The following ACSM5 variants were observed in gnomAD, a reference collection of about 807,000 sequenced individuals.
ACSM5 encodes acyl-CoA synthetase medium chain family member 5.
ACSM5 carries 56 observed loss-of-function variants against 71.6 expected under a neutral mutation model. That is an observed-to-expected ratio of 0.78 (90% CI 0.63 to 0.98). ACSM5 has a LOEUF of 0.98. ACSM5 is among the 50% of genes least tolerant of loss of function. The probability of loss-of-function intolerance (pLI) is 0.00; values close to 1 mark genes in which losing one functional copy is unlikely to be tolerated. For synonymous variants in ACSM5, 285 were observed against 281.5 expected (o/e 1.01, Z -0.12); for missense variants, 723 against 726.0 (o/e 1.00, Z 0.05).
intron 10 of ACSM5, among the ~76,000 whole-genome samples, chr16:20,435,930 C>T (rs201559135): frequency 1.1e-4 from 15 of 136,164 alleles, no homozygotes; most frequent in Middle Eastern, 3.5e-3. Flanking sequence ...TTCTTTCTTT[C>T]TTTTCTTTCC....
rs1967095486 is a variant in ACSM5 at position 20,431,299 on chromosome 16, T to C, written c.1286T>C (p.Phe429Ser). The C allele has an allele frequency of 6.2e-7, 1 of 1,614,132 alleles. No individual in the cohort carries two copies. Among genetic ancestry groups the C allele is most frequent in the African/African-American group, 1.3e-5 (1 of 75,038 alleles). ...VAVRIRPTRP[F>S]CFFNCYLDNP... ...GTCCGTATCAGACCCACTCGGCCCT[T>C]CTGTTTCTTCAATTGCTATTTGGTA... The change falls in exon 10 of 14, where the codon TTC (phenylalanine) becomes TCC (serine). Residue 429 changes from phenylalanine (F) to serine (S), a missense_variant. Coordinates refer to ENST00000331849, the MANE Select transcript of ACSM5 (RefSeq NM_017888.3).
chr16:20,422,685 A>C (rs1966902597), intron 5 of ACSM5, among the ~76,000 whole-genome samples: 1 of 152,312 alleles, frequency 6.6e-6, no homozygotes, highest in South Asian at 2.1e-4. Flanking sequence ...TGTTGGGTTG[A>C]CAATGTAACT....
chr16:20,432,094 G>A (rs1967111521), intron 10 of ACSM5, among the ~76,000 whole-genome samples: 1 of 152,168 alleles, frequency 6.6e-6, no homozygotes, highest in African/African-American at 2.4e-5. Flanking sequence ...GGATAATTCA[G>A]TAACTGCTTC....
chr16:20,432,953 G>A (rs1967129581), intron 10 of ACSM5, among the ~76,000 whole-genome samples: 1 of 144,568 alleles, frequency 6.9e-6, no homozygotes, highest in Non-Finnish European at 1.5e-5. Context: ...CACCTCCTGG[G>A]CTCAAGCAAC....
chr16:20,437,854 G>T (rs1328706880), intron 12 of ACSM5, among the ~76,000 whole-genome samples: 2 of 150,130 alleles, frequency 1.3e-5, no homozygotes, highest in African/African-American at 2.5e-5. Context: ...ATGGAGTCTT[G>T]CTGTGTTGTC....
intron 2 of ACSM5, among the ~76,000 whole-genome samples, chr16:20,416,820 A>G (rs903012062): frequency 1.2e-4 from 18 of 152,188 alleles, no homozygotes; most frequent in Non-Finnish European, 2.1e-4. Context: ...TCTAGTATCT[A>G]TCATGCATAA....
intron 12 of ACSM5, among the ~76,000 whole-genome samples, chr16:20,438,629 G>A (rs12932793): frequency 1.1e-4 from 16 of 150,848 alleles, no homozygotes; most frequent in East Asian, 5.9e-4. Flanking sequence ...ATCCATGTAT[G>A]GTGCTTAGAA....
Position 20,435,442 on chromosome 16 carries a change from G to A in ACSM5, c.1309-1610G>A, listed in dbSNP as rs143203609. On this transcript the variant is annotated intron_variant, in intron 10 of 13. Transcript: ENST00000331849. ...TTGTGTTAGATGTATTTTTAGGGTA[G>A]CTTATATTTTTTCTTTTTTCTCAGA... Among the ~76,000 whole-genome samples the A allele has an allele frequency of 1.2e-3, 187 of 152,252 alleles. 2 individuals carry two copies. Among genetic ancestry groups the A allele is most frequent in the South Asian group, 0.012 (59 of 4,812 alleles).
At chr16:20,426,254 C>G (rs967550561) in intron 6 of ACSM5, among the ~76,000 whole-genome samples, 2 of 152,178 alleles carry the variant, frequency 1.3e-5, no homozygotes, top group African/African-American at 4.8e-5. Flanking sequence ...AATGTATGGA[C>G]CTTCTCCTTG....
chr16:20,428,965 T>A (rs1967043070), intron 7 of ACSM5, among the ~76,000 whole-genome samples: 1 of 151,858 alleles, frequency 6.6e-6, no homozygotes, highest in Non-Finnish European at 1.5e-5. Context: ...TTTTTATCTT[T>A]TCCATTTTCT....
chr16:20,440,156 T>G, intron 13 of ACSM5, 188 bp from the exon 14 acceptor site: 2 of 661,660 alleles, frequency 3.0e-6, no homozygotes, highest in Admixed American at 2.8e-5. Context: ...CAAGAGGTAG[T>G]GCTCAAATGC....
At chr16:20,437,790 G>A (rs1225751663) in intron 12 of ACSM5, among the ~76,000 whole-genome samples, 1 of 150,900 alleles carries the variant, frequency 6.6e-6, no homozygotes, top group Admixed American at 6.6e-5. Context: ...CAGAAAGATG[G>A]GCCAAATTTA....
At position 20,422,108 on chromosome 16, in the gene ACSM5, T is replaced by A. The variant is rs191605916; in HGVS notation, c.767+707T>A. On this transcript the variant is annotated intron_variant, in intron 5 of 13. Transcript: ENST00000331849. Reference sequence around the variant, plus strand: ...GACCACATTTTATTTATTTTTATTTTTTATTTTATTTTTATTTTTTTGAGA... The same window carrying A: ...GACCACATTTTATTTATTTTTATTTATTATTTTATTTTTATTTTTTTGAGA... 1.7e-3 allele frequency among the ~76,000 whole-genome samples: 262 copies of A among 152,202 alleles called. 3 individuals carry two copies. Among genetic ancestry groups the A allele is most frequent in the Admixed American group, 0.012 (190 of 15,284 alleles).
intron 3 of ACSM5, 122 bp downstream of exon 3, chr16:20,418,391 C>T (rs1245257912): frequency 1.0e-6 from 1 of 997,160 alleles, no homozygotes; most frequent in Non-Finnish European, 1.5e-6. Flanking sequence ...TGTTTACTTC[C>T]TATTTGCCTA....
chr16:20,430,964 C>T, intron 8 of ACSM5, 29 bp from the exon 9 acceptor site: 1 of 1,570,868 alleles, frequency 6.4e-7, no homozygotes, highest in Non-Finnish European at 8.7e-7. Context: ...TGGAAAGGCT[C>T]TTCTTTATCT....
At chr16:20,433,734 G>C (rs567155021) in intron 10 of ACSM5, among the ~76,000 whole-genome samples, 118 of 152,154 alleles carry the variant, frequency 7.8e-4, no homozygotes, top group African/African-American at 2.7e-3. Context: ...GAGTGCAGTG[G>C]CACAATCATG....
At chr16:20,436,981 G>T in intron 10 of ACSM5, 71 bp from the exon 11 acceptor site, 4 of 1,539,802 alleles carry the variant, frequency 2.6e-6, no homozygotes, top group Non-Finnish European at 3.6e-6. Flanking sequence ...CCTACAGGGG[G>T]CTACTGGGGC....
intron 5 of ACSM5, among the ~76,000 whole-genome samples, chr16:20,423,071 T>C (rs1236624520): frequency 1.3e-5 from 2 of 152,222 alleles, no homozygotes; most frequent in Non-Finnish European, 2.9e-5. Flanking sequence ...GAAAGATTCA[T>C]GCTGAACTTA....
At chr16:20,413,329 G>A (rs1030070840) in intron 2 of ACSM5, among the ~76,000 whole-genome samples, 1 of 152,176 alleles carries the variant, frequency 6.6e-6, no homozygotes, top group African/African-American at 2.4e-5. Flanking sequence ...GTGCATCACG[G>A]CAACCATTAG....
Sources: gnomAD v4.1 joint callset for allele counts (sites outside exome capture counted in the v4.1 genomes callset) on GRCh38, gnomAD v4.1.1 for gene constraint, MANE v1.5 for transcripts, NCBI Gene and HGNC (gene_info 2026-07-23, HGNC 2026-07-21) for gene names.